Variants in MAP3K4 observed in about 807,000 individuals in gnomAD.
The protein encoded by MAP3K4 is MAP three kinase 1.
MAP3K4 carries 67 observed loss-of-function variants against 185.6 expected under a neutral mutation model. That is an observed-to-expected ratio of 0.36 (90% CI 0.30 to 0.44). The LOEUF is 0.44. Ranked by LOEUF, MAP3K4 falls within the 20% of genes least tolerant of loss-of-function variation. MAP3K4 has a pLI of 1.00. For missense variants in MAP3K4, 1,551 were observed against 1,995.1 expected (o/e 0.78, Z 4.24); for synonymous variants, 702 against 710.4 (o/e 0.99, Z 0.19).
In MAP3K4 at chr6:161,064,523, C is replaced by T. The variant is rs1245673296; in HGVS notation, c.1708-6085C>T. Reference sequence around the variant, plus strand: ...GTGTTCTGATCTGTTTATTACTGTGCAGGCTTATTCTATTTTAAATAGAGT... The same window carrying T: ...GTGTTCTGATCTGTTTATTACTGTGTAGGCTTATTCTATTTTAAATAGAGT... On this transcript the variant is annotated intron_variant, in intron 3 of 26. Coordinates refer to ENST00000392142, the MANE Select transcript of MAP3K4 (RefSeq NM_005922.4). This position sits in a 1 kb window ranked among gnomAD's most constrained non-coding sequence, Gnocchi z 4.3. Among the ~76,000 whole-genome samples, 1 of 151,766 alleles carries T rather than the reference C, an allele frequency of 6.6e-6. No individual in the cohort carries two copies. The highest frequency in any genetic ancestry group is 1.5e-5 in the Non-Finnish European group (1 of 67,998).
chr6:161,021,369 C>G (rs1782378603), intron 1 of MAP3K4, among the ~76,000 whole-genome samples: 1 of 152,214 alleles, frequency 6.6e-6, no homozygotes, highest in Admixed American at 6.5e-5. Flanking sequence ...CTGCCCCACC[C>G]TGGGTTGTCA....
At position 160,993,831 on chromosome 6, in the gene MAP3K4, C is replaced by T. The variant is rs146646248; in HGVS notation, c.152+1748C>T. On this transcript the variant is annotated intron_variant, in intron 1 of 26. Coordinates refer to ENST00000392142, the MANE Select transcript of MAP3K4 (RefSeq NM_005922.4). ...TGGGTTTCATCCAACTGTAAGTGAACAGCAGTGTACGGAACAAGAAGATCT... is the reference window on the plus strand; with the variant it reads ...TGGGTTTCATCCAACTGTAAGTGAATAGCAGTGTACGGAACAAGAAGATCT... 3.6e-5 allele frequency among the ~76,000 whole-genome samples: 5 copies of T among 137,228 alleles called. No individual in the cohort carries two copies. The East Asian group carries it at 1.0e-3, about 28-fold the overall frequency. 90.0% of individuals were successfully genotyped at this position (137,228 alleles called of 152,430 possible).
Position 161,093,971 on chromosome 6 carries a change from A to G in MAP3K4, c.3427+120A>G. The G allele has an allele frequency of 1.4e-6, 1 of 690,790 alleles. No homozygotes were observed. 42.8% of individuals were successfully genotyped at this position (690,790 alleles called of 1,614,324 possible). A position where few individuals can be genotyped will look rare whatever the true frequency, so the allele number is the denominator to read the frequency against. ...TGTTTTAACAGTATTCAGGAAAACG[A>G]CAATGAGAGGGACAGAAATGAGGTG... is the stretch of plus-strand genomic sequence containing the variant. On this transcript the variant is annotated intron_variant, in intron 15 of 26. Coordinates refer to ENST00000392142, the MANE Select transcript of MAP3K4 (RefSeq NM_005922.4). The surrounding 1 kb of genome is among the most constrained non-coding windows in gnomAD (Gnocchi z 5.2).
intron 17 of MAP3K4, among the ~76,000 whole-genome samples, chr6:161,099,145 C>T (rs571717546): frequency 6.6e-6 from 1 of 152,180 alleles, no homozygotes; most frequent in Non-Finnish European, 1.5e-5. Flanking sequence ...GTAGGAGGAA[C>T]GCTGTCAGTA....
chr6:161,041,912 C>CTTTTGTTTTTTT (rs1783474445), intron 2 of MAP3K4, among the ~76,000 whole-genome samples: 1 of 64,046 alleles, frequency 1.6e-5, no homozygotes, highest in Non-Finnish European at 2.8e-5. Context: ...GTTATTGTTT[C>CTTTTGTTTTTTT]TTTTTTTTTT....
rs190792862 is a variant in MAP3K4 at position 161,103,792 on chromosome 6, C to G, written c.3856+1013C>G. Among the ~76,000 whole-genome samples, 4 of 152,136 alleles carry G rather than the reference C, an allele frequency of 2.6e-5. No individual in the cohort carries two copies. Among genetic ancestry groups the G allele is most frequent in the Non-Finnish European group, 5.9e-5 (4 of 68,044 alleles). ...GAAAGTGGGCAGATTGGTTAAAATGCCATTGCAGAAATTCAGTATAAATAA... is the reference window on the plus strand; with the variant it reads ...GAAAGTGGGCAGATTGGTTAAAATGGCATTGCAGAAATTCAGTATAAATAA... On this transcript the variant is annotated intron_variant, in intron 19 of 26. Coordinates refer to ENST00000392142, the MANE Select transcript of MAP3K4 (RefSeq NM_005922.4). This position sits in a 1 kb window ranked among gnomAD's most constrained non-coding sequence, Gnocchi z 4.6.
chr6:160,999,749 A>G (rs1390698025), intron 1 of MAP3K4, among the ~76,000 whole-genome samples: 1 of 152,212 alleles, frequency 6.6e-6, no homozygotes, highest in Non-Finnish European at 1.5e-5. Flanking sequence ...CACCTGCCAT[A>G]CATAGCCCAG....
rs2114767127 is a variant in MAP3K4 at position 161,051,265 on chromosome 6, C to A, written c.1707+1286C>A. Among the ~76,000 whole-genome samples the A allele has an allele frequency of 6.6e-6, 1 of 152,050 alleles. No individual in the cohort carries two copies. The highest frequency in any genetic ancestry group is 1.5e-5 in the Non-Finnish European group (1 of 67,990). On this transcript the variant is annotated intron_variant, in intron 3 of 26. Coordinates refer to ENST00000392142, the MANE Select transcript of MAP3K4 (RefSeq NM_005922.4). This position sits in a 1 kb window ranked among gnomAD's most constrained non-coding sequence, Gnocchi z 4.2. ...TTAACTTCATTTTTTTTTTACACAG[C>A]CTGGCTTGCTTTAAATTCATTAACG...
intron 2 of MAP3K4, among the ~76,000 whole-genome samples, chr6:161,036,113 G>A (rs776254947): frequency 3.3e-5 from 5 of 152,200 alleles, no homozygotes; most frequent in Non-Finnish European, 5.9e-5. Flanking sequence ...TGTTTGTTGA[G>A]GTTCTGTTGT....
At chr6:161,072,800 G>A (rs767926966) in intron 4 of MAP3K4, among the ~76,000 whole-genome samples, 104 of 152,278 alleles carry the variant, frequency 6.8e-4, no homozygotes, top group Non-Finnish European at 1.3e-3. Context: ...TTATTAATGG[G>A]GAGGGCTTTC....
chr6:161,088,085 C>T lies in MAP3K4; in HGVS notation c.2823+131C>T. The T allele has an allele frequency of 1.2e-6, 1 of 851,416 alleles. No individual in the cohort carries two copies. Among genetic ancestry groups the T allele is most frequent in the Non-Finnish European group, 1.8e-6 (1 of 569,988 alleles). The allele number at this position is 851,416 out of a possible 1,614,324, so 52.7% of individuals were successfully genotyped here. On this transcript the variant is annotated intron_variant, in intron 10 of 26. Coordinates refer to ENST00000392142, the MANE Select transcript of MAP3K4 (RefSeq NM_005922.4). The surrounding 1 kb of genome is among the most constrained non-coding windows in gnomAD (Gnocchi z 4.5). ...AAGTATATACTTCCCAAAAATATGCCTCAATGTGTTAATAGGTCATTTTGC... is the reference window on the plus strand; with the variant it reads ...AAGTATATACTTCCCAAAAATATGCTTCAATGTGTTAATAGGTCATTTTGC...
chr6:161,049,254 G>A lies in MAP3K4; in HGVS notation c.982G>A (p.Ala328Thr). 2 of 1,614,148 alleles carry A rather than the reference G, an allele frequency of 1.2e-6. No individual in the cohort carries two copies. Among genetic ancestry groups the A allele is most frequent in the South Asian group, 1.1e-5 (1 of 91,084 alleles). Residue 328 changes from alanine to threonine, a missense_variant, in exon 3 of 27, where the codon GCC becomes ACC. Physicochemically the swap from Ala to Thr is moderately conservative, Grantham distance 58. Coordinates refer to ENST00000392142, the MANE Select transcript of MAP3K4 (RefSeq NM_005922.4). The surrounding 1 kb of genome is among the most constrained non-coding windows in gnomAD (Gnocchi z 8.4). ...TACTTCAGTAGAAGGGCAGTGCAAA[G>A]CCACTCCTGGAACAAAGATTGTAGG... ...NGTSVEGQCK[A>T]TPGTKIVGYS...
chr6:161,046,244 C>T (rs1783723337), intron 2 of MAP3K4, among the ~76,000 whole-genome samples: 1 of 152,084 alleles, frequency 6.6e-6, no homozygotes, highest in Non-Finnish European at 1.5e-5. Context: ...TGTGGAAGCA[C>T]TGGTCATTTT....
In MAP3K4 at chr6:161,114,428, T is replaced by C. The variant is rs1778503175; in HGVS notation, c.4627-695T>C. On this transcript the variant is annotated intron_variant, in intron 25 of 26. Coordinates refer to ENST00000392142, the MANE Select transcript of MAP3K4 (RefSeq NM_005922.4). The surrounding 1 kb of genome is among the most constrained non-coding windows in gnomAD (Gnocchi z 4.3). Reference sequence around the variant, plus strand: ...TTATAATGTAGCTATGCCTTGCAGCTGCTGAAACAGATCACATATAAGTGC... The same window carrying C: ...TTATAATGTAGCTATGCCTTGCAGCCGCTGAAACAGATCACATATAAGTGC... Among the ~76,000 whole-genome samples the C allele has an allele frequency of 6.6e-6, 1 of 152,246 alleles. No individual in the cohort carries two copies. The highest frequency in any genetic ancestry group is 6.5e-5 in the Admixed American group (1 of 15,286).
In MAP3K4 at chr6:161,073,683, C is replaced by G. The variant is rs543736779; in HGVS notation, c.2097+71C>G. On this transcript the variant is annotated intron_variant, in intron 5 of 26. Transcript: ENST00000392142. The surrounding 1 kb of genome is among the most constrained non-coding windows in gnomAD (Gnocchi z 4.2). ...TTTTTAAAAAAGTAAGCCTGTATTT[C>G]CTTGTTTTGCAAACAGCGTTGGCAT... 5.9e-6 allele frequency: 9 copies of G among 1,513,124 alleles called. No individual in the cohort carries two copies. The East Asian group carries it at 6.9e-5, about 12-fold the overall frequency. The allele number at this position is 1,513,124 out of a possible 1,614,324, so 93.7% of individuals were successfully genotyped here. A position where few individuals can be genotyped will look rare whatever the true frequency, so the allele number is the denominator to read the frequency against.
At position 161,084,803 on chromosome 6, in the gene MAP3K4, T is replaced by A. The variant is rs1350913088; in HGVS notation, c.2372+186T>A. Among the ~76,000 whole-genome samples, 1 of 152,232 alleles carries A rather than the reference T, an allele frequency of 6.6e-6. No individual in the cohort carries two copies. Among genetic ancestry groups the A allele is most frequent in the Non-Finnish European group, 1.5e-5 (1 of 68,048 alleles). On this transcript the variant is annotated intron_variant, in intron 7 of 26. Coordinates refer to ENST00000392142, the MANE Select transcript of MAP3K4 (RefSeq NM_005922.4). This position sits in a 1 kb window ranked among gnomAD's most constrained non-coding sequence, Gnocchi z 4.6. ...ATGTGATTTCTTAGTTATGGTTTTA[T>A]GTGAAATTTTCTTTGAAGGGGAACT...
intron 25 of MAP3K4, among the ~76,000 whole-genome samples, chr6:161,113,961 C>T (rs1474419645): frequency 6.6e-6 from 1 of 151,906 alleles, no homozygotes; most frequent in African/African-American, 2.4e-5. Flanking sequence ...CCATGCCTGG[C>T]TAAGTTTTGT....
chr6:161,036,138 C>T (rs1003254773), intron 2 of MAP3K4, among the ~76,000 whole-genome samples: 1 of 152,016 alleles, frequency 6.6e-6, no homozygotes, highest in African/African-American at 2.4e-5. Flanking sequence ...CTGGTCTGTG[C>T]GAGAGATAGA....
intron 6 of MAP3K4, among the ~76,000 whole-genome samples, chr6:161,083,859 C>A (rs1208987566): frequency 6.6e-6 from 1 of 152,196 alleles, no homozygotes; most frequent in Non-Finnish European, 1.5e-5. Flanking sequence ...TTCTCCTCCT[C>A]CGACAAGCCT....
Sources: gnomAD v4.1 joint callset for allele counts (sites outside exome capture counted in the v4.1 genomes callset) on GRCh38, gnomAD v4.1.1 for gene constraint, Gnocchi (gnomAD v3.1) non-coding constraint, MANE v1.5 for transcripts, NCBI Gene and HGNC (gene_info 2026-07-23, HGNC 2026-07-21) for gene names.